The following PRDM5 variants were observed in gnomAD, a reference collection of about 807,000 sequenced individuals.
PRDM5 encodes the protein PR domain zinc finger protein 5.
A neutral mutation model predicts 81.2 loss-of-function variants in PRDM5; 56 were observed. The ratio of observed to expected loss-of-function variants is 0.69; its 90% CI spans 0.56 to 0.86. The LOEUF (loss-of-function observed/expected upper bound fraction) is 0.86. Among genes scored for constraint, PRDM5 ranks in the 40% least tolerant of loss-of-function variants. The probability of loss-of-function intolerance (pLI) is 0.00; values close to 1 mark genes in which losing one functional copy is unlikely to be tolerated. For synonymous variants in PRDM5, 267 were observed against 256.4 expected, an observed-to-expected ratio of 1.04 and a Z score of -0.39; for missense variants, 697 against 770.1, an observed-to-expected ratio of 0.91 and a Z score of 1.12.
intron 2 of PRDM5, among the ~76,000 whole-genome samples, chr4:120,857,459 T>C (rs1760011742): frequency 6.6e-6 from 1 of 152,276 alleles, no homozygotes; most frequent in South Asian, 2.1e-4. Context: ...ATGACTTTGC[T>C]GCTTCACATT....
chr4:120,816,877 C>G lies in PRDM5; in HGVS notation c.698G>C (p.Ser233Thr), dbSNP rs760964342. 1.9e-6 allele frequency: 3 copies of G among 1,613,934 alleles called. No individual in the cohort carries two copies. In the South Asian group the frequency reaches 3.3e-5, roughly 18 times the overall value. Reference sequence around the variant, plus strand: ...AGAATTGCAAACAGAGCACTGAAAACTTCGCGAAGACTCCTTTAGACTGCT... The same window carrying G: ...AGAATTGCAAACAGAGCACTGAAAAGTTCGCGAAGACTCCTTTAGACTGCT... ...AKSSLKESSR[S>T]FQCSVCNSSF... Residue 233 changes from serine (S) to threonine (T), a missense_variant, in exon 6 of 16, where the codon AGT becomes ACT. Physicochemically the swap from Ser to Thr is moderately conservative, Grantham distance 58. Around this residue, in one of 3 missense-constraint regions of PRDM5, gnomAD observed 577 missense variants for 606.7 expected, o/e 0.95. Coordinates refer to ENST00000264808, the MANE Select transcript of PRDM5 (RefSeq NM_018699.4).
At chr4:120,860,629 A>G (rs1168984031) in intron 2 of PRDM5, among the ~76,000 whole-genome samples, 2 of 152,108 alleles carry the variant, frequency 1.3e-5, no homozygotes, top group African/African-American at 4.8e-5. Context: ...AAAAAAAAGA[A>G]TAAAGTTGAG....
intron 14 of PRDM5, among the ~76,000 whole-genome samples, chr4:120,722,210 G>A (rs1738716553): frequency 6.6e-6 from 1 of 152,110 alleles, no homozygotes; most frequent in African/African-American, 2.4e-5. Context: ...TGTTCTTTCT[G>A]CTCATCCACC....
chr4:120,744,205 A>G (rs1420062421), intron 14 of PRDM5, among the ~76,000 whole-genome samples: 3 of 152,100 alleles, frequency 2.0e-5, no homozygotes, highest in African/African-American at 2.4e-5. Flanking sequence ...AAATGAAGGC[A>G]GAAATAAAGA....
chr4:120,791,666 C>T (rs753587039), intron 10 of PRDM5, among the ~76,000 whole-genome samples: 1 of 152,140 alleles, frequency 6.6e-6, no homozygotes, highest in Non-Finnish European at 1.5e-5. Context: ...AATTCTGACC[C>T]TCACCCCCTG....
chr4:120,752,567 C>T (rs2149146344), intron 14 of PRDM5, among the ~76,000 whole-genome samples: 1 of 152,164 alleles, frequency 6.6e-6, no homozygotes, highest in Non-Finnish European at 1.5e-5. Flanking sequence ...ATCCTTAAAT[C>T]GAGGTTCAGA....
chr4:120,726,474 A>T (rs1739428901), intron 14 of PRDM5, among the ~76,000 whole-genome samples: 1 of 152,190 alleles, frequency 6.6e-6, no homozygotes, highest in Non-Finnish European at 1.5e-5. Flanking sequence ...AACCTGTAAG[A>T]AAAGAACTGC....
rs1290239642 is a variant in PRDM5 at position 120,907,494 on chromosome 4, C to T, written c.157G>A (p.Asp53Asn). 1 of 1,610,758 alleles carries T rather than the reference C, an allele frequency of 6.2e-7. No individual in the cohort carries two copies. Among genetic ancestry groups the T allele is most frequent in the African/African-American group, 1.3e-5 (1 of 74,792 alleles). Residue 53 changes from aspartate to asparagine, a missense_variant, in exon 2 of 16, where the codon GAT becomes AAT. Physicochemically the swap from Asp to Asn is conservative, Grantham distance 23 (BLOSUM62 1). Around this residue, in one of 3 missense-constraint regions of PRDM5, gnomAD observed 577 missense variants for 606.7 expected, o/e 0.95. Coordinates refer to ENST00000264808, the MANE Select transcript of PRDM5 (RefSeq NM_018699.4). The part of the protein sequence containing the change: ...RMPEDLDENM[D>N]YRLMWEVRGS... ...CTCACCTCCCACATCAACCTGTAAT[C>T]CATATTTTCATCCAAGTCTTCAGGC...
chr4:120,894,902 C>T (rs1579151436), intron 2 of PRDM5, among the ~76,000 whole-genome samples: 1 of 152,186 alleles, frequency 6.6e-6, no homozygotes, highest in African/African-American at 2.4e-5. Flanking sequence ...CACCAAAATA[C>T]CCACTTAAAG....
At chr4:120,699,873 A>C (rs1426074428) in intron 15 of PRDM5, among the ~76,000 whole-genome samples, 3 of 152,108 alleles carry the variant, frequency 2.0e-5, no homozygotes, top group Non-Finnish European at 4.4e-5. Context: ...TGCCATTACT[A>C]TCAAATATCA....
chr4:120,759,124 T>C (rs967791796), intron 13 of PRDM5, among the ~76,000 whole-genome samples: 4 of 151,314 alleles, frequency 2.6e-5, no homozygotes, highest in Non-Finnish European at 5.9e-5. Flanking sequence ...CCATGAGGTC[T>C]ACGTAAATCA....
chr4:120,820,913 C>T (rs535709697), intron 4 of PRDM5, among the ~76,000 whole-genome samples: 4 of 152,300 alleles, frequency 2.6e-5, no homozygotes, highest in African/African-American at 9.6e-5. Context: ...CAGTGAGAGC[C>T]GGGAGCTGCC....
intron 14 of PRDM5, among the ~76,000 whole-genome samples, chr4:120,741,359 A>G (rs993638564): frequency 1.3e-5 from 2 of 151,686 alleles, no homozygotes; most frequent in Non-Finnish European, 2.9e-5. Context: ...TCATGCTTAC[A>G]CTCACTCACA....
At chr4:120,795,707 G>T (rs1751252243) in intron 10 of PRDM5, among the ~76,000 whole-genome samples, 1 of 152,052 alleles carries the variant, frequency 6.6e-6, no homozygotes, top group Admixed American at 6.5e-5. Context: ...GAGGTCAGGA[G>T]TTCTAGACCA....
At chr4:120,804,829 A>T (rs1752669536) in intron 8 of PRDM5, among the ~76,000 whole-genome samples, 1 of 152,198 alleles carries the variant, frequency 6.6e-6, no homozygotes, top group Admixed American at 6.5e-5. Flanking sequence ...AAGCTAGCAG[A>T]AGGCAAGAAA....
At chr4:120,866,146 C>T (rs993939698) in intron 2 of PRDM5, among the ~76,000 whole-genome samples, 1 of 152,214 alleles carries the variant, frequency 6.6e-6, no homozygotes, top group African/African-American at 2.4e-5. Flanking sequence ...ACAAAAGAGG[C>T]CCTTCACATG....
intron 2 of PRDM5, among the ~76,000 whole-genome samples, chr4:120,885,134 C>CAAAAAAAAAAAAAAAAAAAAAAATA (rs60623556): frequency 2.0e-5 from 1 of 50,708 alleles, no homozygotes; most frequent in Admixed American, 2.3e-4. Flanking sequence ...GACTCCGTAT[C>CAAAAAAAAAAAAAAAAAAAAAAATA]AAAAAAAAAA....
chr4:120,737,517 T>G (rs887399279), intron 14 of PRDM5, among the ~76,000 whole-genome samples: 3 of 152,146 alleles, frequency 2.0e-5, no homozygotes, highest in South Asian at 2.1e-4. Context: ...TTGGCATACT[T>G]GGGATTATGT....
At chr4:120,711,312 T>C (rs958114492) in intron 14 of PRDM5, among the ~76,000 whole-genome samples, 5 of 152,168 alleles carry the variant, frequency 3.3e-5, no homozygotes, top group Admixed American at 2.6e-4. Context: ...TTCCTTTTTG[T>C]TGTTGTGATG....
Sources: gnomAD v4.1 joint callset for allele counts (sites outside exome capture counted in the v4.1 genomes callset) on GRCh38, gnomAD v4.1.1 for gene constraint, gnomAD v4.1.1 regional missense constraint, MANE v1.5 for transcripts, NCBI Gene and HGNC (gene_info 2026-07-23, HGNC 2026-07-21) for gene names.